ODAD2: variants seen among roughly 807,000 people sequenced by gnomAD.
The protein encoded by ODAD2 is outer dynein arm-docking complex subunit 2.
A neutral mutation model predicts 106.8 loss-of-function variants in ODAD2; 89 were observed. That is an observed-to-expected ratio of 0.83 (90% CI 0.70 to 0.99). The LOEUF is 0.99. Ranked by LOEUF, ODAD2 falls within the 50% of genes least tolerant of loss-of-function variation. The pLI, the probability that ODAD2 is intolerant of heterozygous loss-of-function variation, is 0.00. For missense variants in ODAD2, 1,168 were observed against 1,238.5 expected (o/e 0.94, Z 0.85); for synonymous variants, 404 against 436.2 (o/e 0.93, Z 0.92).
At position 27,987,422 on chromosome 10, in the gene ODAD2, T is replaced by C; in HGVS notation, c.346A>G (p.Thr116Ala). The C allele has an allele frequency of 1.2e-6, 2 of 1,613,624 alleles. No homozygotes were observed. The highest frequency in any genetic ancestry group is 1.7e-6 in the Non-Finnish European group (2 of 1,179,760). ...QLSRLLLIAK[T>A]GKLKEAQACV... ...GCTTGGGCTTCCTTCAACTTCCCAG[T>C]TTTGGCAATAAGTAACAAGCGTGAC... The change falls in exon 3 of 20, where the codon ACT (threonine) becomes GCT (alanine). Residue 116 changes from threonine to alanine, a missense_variant. Physicochemically the swap from Thr to Ala is moderately conservative, Grantham distance 58. Around this residue, in one of 3 missense-constraint regions of ODAD2, gnomAD observed 430 missense variants for 452.2 expected, o/e 0.95. Transcript: ENST00000305242.
At chr10:27,977,529 C>G (rs1588648181) in intron 7 of ODAD2, among the ~76,000 whole-genome samples, 1 of 152,044 alleles carries the variant, frequency 6.6e-6, no homozygotes, top group East Asian at 1.9e-4. Flanking sequence ...ATCGATCATG[C>G]CACTGCACTC....
chr10:27,857,430 T>C (rs1839735053), intron 19 of ODAD2, among the ~76,000 whole-genome samples: 1 of 152,234 alleles, frequency 6.6e-6, no homozygotes, highest in Admixed American at 6.5e-5. Flanking sequence ...ATTTTGACAG[T>C]GTAGTGGGTC....
chr10:27,836,690 T>C (rs1837915494), intron 19 of ODAD2, among the ~76,000 whole-genome samples: 1 of 152,174 alleles, frequency 6.6e-6, no homozygotes, highest in Non-Finnish European at 1.5e-5. Flanking sequence ...AGTTTTATGG[T>C]AGGACATAAT....
At chr10:27,921,600 A>AT (rs914886987) in intron 16 of ODAD2, among the ~76,000 whole-genome samples, 19 of 151,258 alleles carry the variant, frequency 1.3e-4, no homozygotes, top group Admixed American at 3.3e-4. Context: ...ATATAAATGG[A>AT]TTTTTTTTTA....
intron 19 of ODAD2, among the ~76,000 whole-genome samples, chr10:27,821,880 C>T (rs897655297): frequency 7.2e-5 from 11 of 152,086 alleles, no homozygotes; most frequent in Non-Finnish European, 1.3e-4. Context: ...TTTAATCCTC[C>T]GCCTCCCCTA....
chr10:27,839,347 C>T (rs1374872789), intron 19 of ODAD2, among the ~76,000 whole-genome samples: 1 of 152,182 alleles, frequency 6.6e-6, no homozygotes, highest in Non-Finnish European at 1.5e-5. Context: ...GAGAGGCTCA[C>T]ACCTGATAAG....
intron 16 of ODAD2, among the ~76,000 whole-genome samples, chr10:27,919,757 A>G (rs1223956693): frequency 6.6e-6 from 1 of 152,160 alleles, no homozygotes; most frequent in Non-Finnish European, 1.5e-5. Flanking sequence ...GTGATGACTC[A>G]GAAATTCCAA....
At position 27,902,166 on chromosome 10, in the gene ODAD2, A is replaced by T. The variant is rs536165559; in HGVS notation, c.2610+5497T>A. On this transcript the variant is annotated intron_variant, in intron 17 of 19. Coordinates refer to ENST00000305242, the MANE Select transcript of ODAD2 (RefSeq NM_018076.5). ...GATTAAGAAACTCTCTCAAAACCAC[A>T]CAACTAAATGGAAACTGAACAACCT... Among the ~76,000 whole-genome samples, 254 of 152,306 alleles carry T rather than the reference A, an allele frequency of 1.7e-3. 2 individuals carry two copies. The highest frequency in any genetic ancestry group is 5.8e-3 in the African/African-American group (241 of 41,574).
At chr10:27,988,318 A>C (rs1588668410) in intron 2 of ODAD2, among the ~76,000 whole-genome samples, 1 of 149,860 alleles carries the variant, frequency 6.7e-6, no homozygotes, top group Non-Finnish European at 1.5e-5. Flanking sequence ...AACTCCTGAC[A>C]CCTTAACACC....
Position 27,841,014 on chromosome 10 carries a change from G to A in ODAD2, c.3021+19611C>T, listed in dbSNP as rs183032546. 3.4e-3 allele frequency among the ~76,000 whole-genome samples: 520 copies of A among 152,278 alleles called. 2 individuals are homozygous for A. Among genetic ancestry groups the A allele is most frequent in the Non-Finnish European group, 5.2e-3 (351 of 68,020 alleles). On this transcript the variant is annotated intron_variant, in intron 19 of 19. Transcript: ENST00000305242. ...TAAAGCACATAGGCCACGGGTGAAT[G>A]CTCAGTAATTGATTGTTATTCTTTT...
At chr10:27,891,210 T>TCCATA (rs1460980252) in intron 17 of ODAD2, among the ~76,000 whole-genome samples, 1 of 152,168 alleles carries the variant, frequency 6.6e-6, no homozygotes, top group East Asian at 1.9e-4. Flanking sequence ...ACTGGCCTCA[T>TCCATA]CCATACTCAG....
chr10:27,900,116 G>A (rs1843099735), intron 17 of ODAD2, among the ~76,000 whole-genome samples: 1 of 152,176 alleles, frequency 6.6e-6, no homozygotes, highest in Non-Finnish European at 1.5e-5. Flanking sequence ...TCCAGAGGAA[G>A]GAACAGGCAG....
chr10:27,853,123 C>T (rs938962162), intron 19 of ODAD2: 1 of 156,210 alleles, frequency 6.4e-6, no homozygotes, highest in African/African-American at 2.4e-5. Flanking sequence ...AATCCCAGCA[C>T]TTTGGGAGGC....
chr10:27,906,040 T>C (rs1201614834), intron 17 of ODAD2, among the ~76,000 whole-genome samples: 1 of 152,036 alleles, frequency 6.6e-6, no homozygotes, highest in Middle Eastern at 3.4e-3. Context: ...ACTAAAAAGC[T>C]CTGCACAGCA....
intron 16 of ODAD2, among the ~76,000 whole-genome samples, chr10:27,930,342 T>C (rs1845524733): frequency 6.6e-6 from 1 of 152,040 alleles, no homozygotes. Context: ...GGCAGGAGCT[T>C]AAGAACCTGT....
chr10:27,860,882 G>C (rs61842686), intron 18 of ODAD2, 36 bp from the exon 19 acceptor site: 2,212 of 1,554,400 alleles, frequency 1.4e-3, no homozygotes, highest in Middle Eastern at 3.0e-3. Context: ...TCTGTGCATT[G>C]TAATGACCCT....
At chr10:27,896,477 T>G (rs927021552) in intron 17 of ODAD2, among the ~76,000 whole-genome samples, 1 of 152,208 alleles carries the variant, frequency 6.6e-6, no homozygotes, top group Non-Finnish European at 1.5e-5. Flanking sequence ...GATTGAAAGA[T>G]AGAGAGATAG....
Position 27,944,341 on chromosome 10 carries a change from T to C in ODAD2, c.1624A>G (p.Asn542Asp). The change falls in exon 12 of 20, where the codon AAT becomes GAT. Residue 542 changes from asparagine (N) to aspartate (D), a missense_variant. Coordinates refer to ENST00000305242, the MANE Select transcript of ODAD2 (RefSeq NM_018076.5). ...CTCTTGTGTGGAGAATCAAGTATAT[T>C]CACCATAATTGGTAAGCCCCCAAGG... ...VDLGGLPIMV[N>D]ILDSPHKSLK... 1 of 1,614,050 alleles carries C rather than the reference T, an allele frequency of 6.2e-7. No individual in the cohort carries two copies. Among genetic ancestry groups the C allele is most frequent in the African/African-American group, 1.3e-5 (1 of 75,046 alleles).
At chr10:27,991,078 G>A (rs1395453946) in intron 2 of ODAD2, among the ~76,000 whole-genome samples, 1 of 152,068 alleles carries the variant, frequency 6.6e-6, no homozygotes, top group Non-Finnish European at 1.5e-5. Context: ...TACCACAGAT[G>A]GTATTGCCAT....
Sources: gnomAD v4.1 joint callset for allele counts (sites outside exome capture counted in the v4.1 genomes callset) on GRCh38, gnomAD v4.1.1 for gene constraint, gnomAD v4.1.1 regional missense constraint, MANE v1.5 for transcripts, NCBI Gene and HGNC (gene_info 2026-07-23, HGNC 2026-07-21) for gene names.